The following MRPL1 variants were observed in gnomAD, a reference collection of about 807,000 sequenced individuals.
MRPL1 encodes mitochondrial ribosomal protein L1, also known as large ribosomal subunit protein uL1m.
A neutral mutation model predicts 38.0 loss-of-function variants in MRPL1; 28 were observed. The observed-to-expected ratio is 0.74, with a 90% CI of 0.55 to 1.01. MRPL1 has a LOEUF of 1.01. MRPL1 is among the 50% of genes least tolerant of loss of function. The pLI, the probability that MRPL1 is intolerant of heterozygous loss-of-function variation, is 0.00. For synonymous variants in MRPL1, 123 were observed against 126.7 expected (o/e 0.97, Z 0.20); for missense variants, 358 against 389.8 (o/e 0.92, Z 0.69).
intron 7 of MRPL1, among the ~76,000 whole-genome samples, chr4:77,937,709 T>G (rs1254954840): frequency 6.6e-6 from 1 of 152,200 alleles, no homozygotes; most frequent in Non-Finnish European, 1.5e-5. Flanking sequence ...CCTTAATTGT[T>G]GGCATCTTTC....
chr4:77,924,573 C>T (rs1736664541), intron 7 of MRPL1, among the ~76,000 whole-genome samples: 1 of 152,114 alleles, frequency 6.6e-6, no homozygotes, highest in African/African-American at 2.4e-5. Flanking sequence ...CCTTTCATTC[C>T]TTTGATTACA....
chr4:77,929,012 AATGACAC>A (rs750862552), intron 7 of MRPL1, among the ~76,000 whole-genome samples: 19 of 152,246 alleles, frequency 1.2e-4, no homozygotes, highest in Non-Finnish European at 2.5e-4. Flanking sequence ...TAGATAATAG[AATGACAC>A]ATGATGAAAA....
At chr4:77,938,940 T>G (rs1455375454) in intron 7 of MRPL1, among the ~76,000 whole-genome samples, 2 of 152,172 alleles carry the variant, frequency 1.3e-5, no homozygotes, top group East Asian at 3.9e-4. Context: ...TTCAATCAGT[T>G]TTTGGGGAAC....
intron 2 of MRPL1, among the ~76,000 whole-genome samples, chr4:77,874,930 C>G (rs895566576): frequency 2.6e-5 from 4 of 151,610 alleles, no homozygotes; most frequent in Admixed American, 6.6e-5. Context: ...TACAGGCACA[C>G]GCCACAACGC....
intron 1 of MRPL1, among the ~76,000 whole-genome samples, chr4:77,868,337 G>T (rs1397834657): frequency 2.6e-5 from 4 of 151,980 alleles, no homozygotes; most frequent in Non-Finnish European, 4.4e-5. Flanking sequence ...TGACTCTGGG[G>T]TTCAAGCAGT....
intron 6 of MRPL1, among the ~76,000 whole-genome samples, chr4:77,905,311 A>T (rs1736129734): frequency 6.6e-6 from 1 of 151,990 alleles, no homozygotes; most frequent in Non-Finnish European, 1.5e-5. Flanking sequence ...AGCCTGGCCA[A>T]CCTGGTGAAA....
intron 5 of MRPL1, among the ~76,000 whole-genome samples, chr4:77,890,714 C>T (rs531473080): frequency 2.0e-5 from 3 of 152,226 alleles, no homozygotes; most frequent in East Asian, 1.9e-4. Flanking sequence ...GCAGATGACA[C>T]GATTGTATAT....
chr4:77,917,253 T>C (rs1465322804), intron 7 of MRPL1, among the ~76,000 whole-genome samples: 2 of 152,186 alleles, frequency 1.3e-5, no homozygotes, highest in Non-Finnish European at 2.9e-5. Context: ...AGACCGTTTC[T>C]GACTCACCCC....
chr4:77,865,536 T>A lies in MRPL1; in HGVS notation c.31+2657T>A, dbSNP rs76550369. Among the ~76,000 whole-genome samples the A allele has an allele frequency of 5.6e-3, 833 of 149,190 alleles. 32 individuals carry two copies. In the East Asian group the frequency reaches 0.092, roughly 17 times the overall value. ...TCTGGGGCCCACTATGACCAGCTAA[T>A]TTTTTTTTTGGTAGAGATGAGATCT... is the stretch of plus-strand genomic sequence containing the variant. On this transcript the variant is annotated intron_variant, in intron 1 of 8. Coordinates refer to ENST00000315567, the MANE Select transcript of MRPL1 (RefSeq NM_020236.4).
intron 1 of MRPL1, among the ~76,000 whole-genome samples, chr4:77,867,274 C>G (rs1426095643): frequency 1.3e-5 from 2 of 152,162 alleles, no homozygotes; most frequent in Non-Finnish European, 2.9e-5. Flanking sequence ...GTTTCATTGG[C>G]GTATTTGTTG....
intron 5 of MRPL1, 39 bp downstream of exon 5, chr4:77,887,330 A>T: frequency 1.4e-6 from 2 of 1,466,874 alleles, no homozygotes; most frequent in Non-Finnish European, 1.9e-6. Context: ...TATAGAGATG[A>T]TTCTGTTATC....
intron 6 of MRPL1, chr4:77,907,349 C>A: frequency 4.3e-6 from 1 of 230,856 alleles, no homozygotes; most frequent in Non-Finnish European, 7.1e-6. Flanking sequence ...AATTTTTATC[C>A]TGATTCCATT....
chr4:77,868,445 G>A (rs58218398), intron 1 of MRPL1, among the ~76,000 whole-genome samples: 21,445 of 151,966 alleles, frequency 0.14, 1,748 homozygotes, highest in South Asian at 0.2. Flanking sequence ...GTTTTACCAT[G>A]TTGGCCAGGC....
rs1001567736 is a variant in MRPL1, at chr4:77,930,974, T to C, written c.778-18823T>C. Among the ~76,000 whole-genome samples, 3 of 152,322 alleles carry C rather than the reference T, an allele frequency of 2.0e-5. No homozygotes were observed. In the East Asian group the frequency reaches 5.8e-4, roughly 29 times the overall value. On this transcript the variant is annotated intron_variant, in intron 7 of 8. Coordinates refer to ENST00000315567, the MANE Select transcript of MRPL1 (RefSeq NM_020236.4). ...ACGAGACAGCAGAAGACTCTAAGAC[T>C]GCCAGCCAAAAGAAAGCTGCATTTA...
intron 7 of MRPL1, among the ~76,000 whole-genome samples, chr4:77,910,085 T>G (rs968943601): frequency 6.6e-6 from 1 of 152,218 alleles, no homozygotes; most frequent in African/African-American, 2.4e-5. Context: ...GTTGCTATTC[T>G]AAACAATTTT....
At chr4:77,895,650 C>A (rs1200791990) in intron 6 of MRPL1, among the ~76,000 whole-genome samples, 1 of 152,010 alleles carries the variant, frequency 6.6e-6, no homozygotes, top group Admixed American at 6.6e-5. Flanking sequence ...TTTTATATAT[C>A]CTAGCCACTA....
At chr4:77,938,998 G>C (rs1737056476) in intron 7 of MRPL1, among the ~76,000 whole-genome samples, 1 of 152,156 alleles carries the variant, frequency 6.6e-6, no homozygotes, top group Admixed American at 6.5e-5. Flanking sequence ...TGATTTCTGA[G>C]ATTTTGGTAC....
At chr4:77,925,821 T>A (rs1180496439) in intron 7 of MRPL1, among the ~76,000 whole-genome samples, 1 of 152,200 alleles carries the variant, frequency 6.6e-6, no homozygotes, top group African/African-American at 2.4e-5. Context: ...TTTTATACTT[T>A]GCAACCTTTT....
rs1210054639 is a variant in MRPL1 at position 77,940,125 on chromosome 4, C to A, written c.778-9672C>A. Among the ~76,000 whole-genome samples, 7 of 151,952 alleles carry A rather than the reference C, an allele frequency of 4.6e-5. 1 individual carries two copies. Among genetic ancestry groups the A allele is most frequent in the Admixed American group, 4.6e-4 (7 of 15,256 alleles). ...GGAGTTGCACTTAATTTGTATATTG[C>A]TTTTGACAGTATGGTCATTTTCACA... is the stretch of plus-strand genomic sequence containing the variant. On this transcript the variant is annotated intron_variant, in intron 7 of 8. Coordinates refer to ENST00000315567, the MANE Select transcript of MRPL1 (RefSeq NM_020236.4).
Sources: allele counts gnomAD v4.1 joint callset (sites outside exome capture counted in the v4.1 genomes callset), GRCh38; gene constraint gnomAD v4.1.1; transcripts MANE v1.5; gene names NCBI Gene and HGNC (gene_info 2026-07-23, HGNC 2026-07-21).